MMRN2: variants seen among roughly 807,000 people sequenced by gnomAD.
MMRN2 encodes the protein multimerin 2.
In MMRN2, 53 loss-of-function variants were observed where a neutral mutation model predicts 68.8. The observed-to-expected ratio is 0.77, with a 90% CI of 0.62 to 0.97. The LOEUF (loss-of-function observed/expected upper bound fraction) is 0.97. Ranked by LOEUF, MMRN2 falls within the 50% of genes least tolerant of loss-of-function variation. The pLI is 0.00. For synonymous variants in MMRN2, 564 were observed against 551.6 expected (o/e 1.02, Z -0.32); for missense variants, 1,266 against 1,259.5 (o/e 1.01, Z -0.08).
chr10:86,943,791 G>C lies in MMRN2; in HGVS notation c.993C>G (p.Ala331=). 2.5e-6 allele frequency: 4 copies of C among 1,609,456 alleles called. No individual in the cohort carries two copies. Among genetic ancestry groups the C allele is most frequent in the Non-Finnish European group, 3.4e-6 (4 of 1,179,940 alleles). ...GCCTCTTCAATTTGGTGTCCACATC[G>C]GCTTGGAGCTCTGAGATCGAGCGGT... ...TLHRSISELQ[A]DVDTKLKRLH... Residue 331 remains alanine, a synonymous_variant, in exon 6 of 7, where the codon GCC becomes GCG. Transcript: ENST00000372027. This position sits in a 1 kb window ranked among gnomAD's most constrained non-coding sequence, Gnocchi z 4.2.
At chr10:86,951,992 G>T (rs372397344) in intron 1 of MMRN2, among the ~76,000 whole-genome samples, 141 of 152,288 alleles carry the variant, frequency 9.3e-4, no homozygotes, top group African/African-American at 3.0e-3. Flanking sequence ...AGGTTGCAGT[G>T]AGCCGACATT....
rs1366865234 is a variant in MMRN2, at chr10:86,935,733, A to C, written c.*1010T>G. 2.6e-5 allele frequency: 4 copies of C among 152,244 alleles called. No homozygotes were observed. The highest frequency in any genetic ancestry group is 2.6e-4 in the Admixed American group (4 of 15,282). 9.4% of individuals were successfully genotyped at this position (152,244 alleles called of 1,614,324 possible). A position where few individuals can be genotyped will look rare whatever the true frequency, so the allele number is the denominator to read the frequency against. On this transcript the variant is annotated 3_prime_UTR_variant, in exon 7 of 7. Transcript: ENST00000372027. ...TCACGTTTGGCATTTCTTGGTCTTT[A>C]CCCTATGTAAGGCAAGGAGAAAAAG...
At position 86,943,896 on chromosome 10, in the gene MMRN2, C is replaced by G; in HGVS notation, c.888G>C (p.Lys296Asn). Residue 296 changes from lysine (K) to asparagine (N), a missense_variant, in exon 6 of 7, where the codon AAG (lysine) becomes AAC (asparagine). Physicochemically the swap from Lys to Asn is moderately conservative, Grantham distance 94. Transcript: ENST00000372027. This position sits in a 1 kb window ranked among gnomAD's most constrained non-coding sequence, Gnocchi z 4.2. Reference protein sequence around the residue: ...FQELGAKFEAKVQENTQRVGQ... With the variant: ...FQELGAKFEANVQENTQRVGQ... ...CCACTCTCTGAGTGTTCTCCTGGAC[C>G]TTGGCCTCAAATTTGGCACCAAGCT... 6.2e-7 allele frequency: 1 copy of G among 1,614,078 alleles called. No homozygotes were observed. Among genetic ancestry groups the G allele is most frequent in the Middle Eastern group, 1.6e-4 (1 of 6,062 alleles).
chr10:86,939,672 C>CA (rs1171084891), intron 6 of MMRN2, among the ~76,000 whole-genome samples: 2 of 151,670 alleles, frequency 1.3e-5, no homozygotes, highest in African/African-American at 2.4e-5. Flanking sequence ...GAGAGAGACC[C>CA]CCACCCCAAC....
intron 1 of MMRN2, among the ~76,000 whole-genome samples, chr10:86,950,128 C>T (rs141924057): frequency 1.2e-4 from 18 of 152,024 alleles, no homozygotes; most frequent in African/African-American, 2.4e-4. Context: ...AGGCGGATCA[C>T]GACGTCAGGA....
In MMRN2 at chr10:86,942,518, C is replaced by T. The variant is rs1843987369; in HGVS notation, c.2266G>A (p.Gly756Arg). 1 of 1,613,908 alleles carries T rather than the reference C, an allele frequency of 6.2e-7. No homozygotes were observed. Residue 756 changes from glycine to arginine, a missense_variant, in exon 6 of 7, where the codon GGG becomes AGG. By Grantham distance (125) the Gly-to-Arg change is moderately radical. Transcript: ENST00000372027. Reference protein sequence around the residue: ...QHQRLFHSLFGNFQGLMEANV... With the variant: ...QHQRLFHSLFRNFQGLMEANV... Reference sequence around the variant, plus strand: ...GCTTCCATGAGCCCTTGGAAGTTCCCAAAGAGGCTGTGGAAGAGCCGCTGG... The same window carrying T: ...GCTTCCATGAGCCCTTGGAAGTTCCTAAAGAGGCTGTGGAAGAGCCGCTGG...
intron 1 of MMRN2, among the ~76,000 whole-genome samples, chr10:86,953,534 C>A (rs1026073523): frequency 6.6e-6 from 1 of 152,190 alleles, no homozygotes; most frequent in African/African-American, 2.4e-5. Flanking sequence ...CTCTCTTAGA[C>A]CAGTGGTTCT....
In MMRN2 at chr10:86,943,683, G is replaced by A. The variant is rs750115078; in HGVS notation, c.1101C>T (p.Asp367=). 8.1e-6 allele frequency: 13 copies of A among 1,611,046 alleles called. No individual in the cohort carries two copies. Among genetic ancestry groups the A allele is most frequent in the Non-Finnish European group, 1.1e-5 (13 of 1,179,998 alleles). The change falls in exon 6 of 7, where the codon GAC becomes GAT. Residue 367 remains aspartate, a synonymous_variant. Transcript: ENST00000372027. The surrounding 1 kb of genome is among the most constrained non-coding windows in gnomAD (Gnocchi z 4.2). ...GCTGGCCCAGCCTGGCCTGCAGGCT[G>A]TCCGGCTCAGGCCTTGCCCCAGCCC... ...TPGAGARPEP[D]SLQARLGQLQ...
chr10:86,952,604 G>A (rs1373257420), intron 1 of MMRN2, among the ~76,000 whole-genome samples: 2 of 152,182 alleles, frequency 1.3e-5, no homozygotes, highest in African/African-American at 4.8e-5. Context: ...AAAAGGGGAG[G>A]GGGTGTATGA....
At chr10:86,942,283 A>G (rs780065740) in intron 6 of MMRN2, 34 bp downstream of exon 6, 10 of 1,562,322 alleles carry the variant, frequency 6.4e-6, no homozygotes, top group Non-Finnish European at 8.7e-6. Flanking sequence ...CTGGCCTCCT[A>G]GGCTCGTCCA....
rs1268794996 is a variant in MMRN2 at position 86,945,600 on chromosome 10, C to T, written c.254G>A (p.Cys85Tyr). 6.2e-7 allele frequency: 1 copy of T among 1,611,244 alleles called. No individual in the cohort carries two copies. Among genetic ancestry groups the T allele is most frequent in the African/African-American group, 1.3e-5 (1 of 75,032 alleles). ...EKFLIHSQQP[C>Y]PQGAPDCQKV... ...CTGGCAGTCTGGAGCTCCCTGCGGA[C>T]ACGGCTGCTGCGAGTGGATGAGGAA... Residue 85 changes from cysteine to tyrosine, a missense_variant, in exon 2 of 7, where the codon TGT becomes TAT. Cys to Tyr is a radical substitution (Grantham distance 194). Transcript: ENST00000372027.
chr10:86,942,193 C>A (rs1034434129), intron 6 of MMRN2, 124 bp downstream of exon 6: 18 of 1,159,468 alleles, frequency 1.6e-5, no homozygotes, highest in Non-Finnish European at 2.1e-5. Context: ...GAAGGTGGAC[C>A]TAGTAGGGGT....
rs1211489684 is a variant in MMRN2 at position 86,943,457 on chromosome 10, G to A, written c.1327C>T (p.Leu443Phe). 1 of 1,614,176 alleles carries A rather than the reference G, an allele frequency of 6.2e-7. No individual in the cohort carries two copies. The highest frequency in any genetic ancestry group is 8.5e-7 in the Non-Finnish European group (1 of 1,180,032). The change falls in exon 6 of 7, where the codon CTC becomes TTC. Residue 443 changes from leucine to phenylalanine, a missense_variant. Physicochemically the swap from Leu to Phe is conservative, Grantham distance 22. Coordinates refer to ENST00000372027, the MANE Select transcript of MMRN2 (RefSeq NM_024756.3). This position sits in a 1 kb window ranked among gnomAD's most constrained non-coding sequence, Gnocchi z 4.2. ...ATCAGGATCACGCGCAGCTCACGGA[G>A]CGCCGTGTGGTTCACCTGCAGCTCC... ...VEELQVNHTA[L>F]RELRVILMEK... is the part of the protein sequence containing the mutation.
At chr10:86,947,390 C>T (rs1357482449) in intron 1 of MMRN2, among the ~76,000 whole-genome samples, 1 of 151,086 alleles carries the variant, frequency 6.6e-6, no homozygotes, top group African/African-American at 2.4e-5. Context: ...TTTTTTGAGA[C>T]GGAGTCTCGC....
chr10:86,949,304 C>T (rs980488412), intron 1 of MMRN2: 1 of 152,164 alleles, frequency 6.6e-6, no homozygotes, highest in Admixed American at 6.5e-5. Context: ...AGAATAAAGA[C>T]ATTTTCAAAC....
intron 1 of MMRN2, among the ~76,000 whole-genome samples, chr10:86,948,288 C>T (rs1444102826): frequency 7.1e-6 from 1 of 140,278 alleles, no homozygotes; most frequent in Non-Finnish European, 1.5e-5. Flanking sequence ...TGGACAAAAA[C>T]TAAGACTGTG....
rs1844016674 is a variant in MMRN2, at chr10:86,943,612, T to C, written c.1172A>G (p.Glu391Gly). 1 of 1,613,808 alleles carries C rather than the reference T, an allele frequency of 6.2e-7. No homozygotes were observed. The highest frequency in any genetic ancestry group is 1.3e-5 in the African/African-American group (1 of 74,936). Reference protein sequence around the residue: ...SELHMTTARREEELQYTLEDM... With the variant: ...SELHMTTARRGEELQYTLEDM... ...CTCCAGGGTGTACTGCAACTCCTCC[T>C]CCCTGCGGGCCGTGGTCATGTGCAG... The change falls in exon 6 of 7, where the codon GAG (glutamate) becomes GGG (glycine). Residue 391 changes from glutamate to glycine, a missense_variant. Transcript: ENST00000372027. This position sits in a 1 kb window ranked among gnomAD's most constrained non-coding sequence, Gnocchi z 4.2.
Position 86,942,678 on chromosome 10 carries a change from C to A in MMRN2, c.2106G>T (p.Gln702His). The A allele has an allele frequency of 6.3e-7, 1 of 1,585,232 alleles. No homozygotes were observed. The change falls in exon 6 of 7, where the codon CAG becomes CAT. Residue 702 changes from glutamine to histidine, a missense_variant. Transcript: ENST00000372027. The part of the protein sequence containing the change: ...TALAGLAREL[Q>H]SLSNDVKNVG... ...CATTCTTGACGTCGTTGCTCAGGCTCTGGAGCTCCCGCGCCAGCCCGGCCA... is the reference window on the plus strand; with the variant it reads ...CATTCTTGACGTCGTTGCTCAGGCTATGGAGCTCCCGCGCCAGCCCGGCCA...
chr10:86,939,809 GTGT>G (rs1564730591), intron 6 of MMRN2, among the ~76,000 whole-genome samples: 9 of 26,504 alleles, frequency 3.4e-4, no homozygotes, highest in Non-Finnish European at 4.7e-4. Flanking sequence ...AATTTGGGGT[GTGT>G]GTGTGTGTGT....
Sources: allele counts gnomAD v4.1 joint callset (sites outside exome capture counted in the v4.1 genomes callset), GRCh38; gene constraint gnomAD v4.1.1; non-coding constraint Gnocchi (gnomAD v3.1); transcripts MANE v1.5; gene names NCBI Gene and HGNC (gene_info 2026-07-23, HGNC 2026-07-21).